Variants in ANKIB1 observed in about 807,000 individuals in gnomAD.
ANKIB1 encodes the protein ankyrin repeat and IBR domain-containing protein 1.
ANKIB1 carries 43 observed loss-of-function variants against 122.1 expected under a neutral mutation model. That is an observed-to-expected ratio of 0.35 (90% CI 0.28 to 0.45). The LOEUF is 0.45. Among genes scored for constraint, ANKIB1 ranks in the 20% least tolerant of loss-of-function variants. ANKIB1 has a pLI of 1.00. For missense variants in ANKIB1, 992 were observed against 1,329.5 expected (o/e 0.75, Z 3.95); for synonymous variants, 390 against 442.0 (o/e 0.88, Z 1.48).
Position 92,399,043 on chromosome 7 carries a change from C to T in ANKIB1, c.*94C>T. On this transcript the variant is annotated 3_prime_UTR_variant, in exon 20 of 20. Coordinates refer to ENST00000265742, the MANE Select transcript of ANKIB1 (RefSeq NM_019004.2). ...GAGACTTTGATTCACTTAATTCCAA[C>T]TCAGTGATAAACCACTGACATTAGG... 7.3e-7 allele frequency: 1 copy of T among 1,370,074 alleles called. No individual in the cohort carries two copies. Among genetic ancestry groups the T allele is most frequent in the East Asian group, 2.6e-5 (1 of 39,040 alleles). 84.9% of individuals were successfully genotyped at this position (1,370,074 alleles called of 1,614,324 possible).
At position 92,327,849 on chromosome 7, in the gene ANKIB1, G is replaced by T; in HGVS notation, c.736G>T (p.Asp246Tyr). ...LKDMLIVETA[D>Y]MLQAPLFTAE... is the part of the protein sequence containing the mutation. Reference sequence around the variant, plus strand: ...AGATATGCTTATTGTGGAAACTGCAGACATGCTTCAGGCTCCTCTCTTTAC... The same window carrying T: ...AGATATGCTTATTGTGGAAACTGCATACATGCTTCAGGCTCCTCTCTTTAC... Residue 246 changes from aspartate to tyrosine, a missense_variant, in exon 5 of 20, where the codon GAC (aspartate) becomes TAC (tyrosine). Asp to Tyr is a radical substitution (Grantham distance 160). Coordinates refer to ENST00000265742, the MANE Select transcript of ANKIB1 (RefSeq NM_019004.2). 1 of 1,596,324 alleles carries T rather than the reference G, an allele frequency of 6.3e-7. No individual in the cohort carries two copies. Among genetic ancestry groups the T allele is most frequent in the Non-Finnish European group, 8.5e-7 (1 of 1,175,162 alleles).
intron 4 of ANKIB1, chr7:92,326,091 C>G: frequency 3.8e-6 from 1 of 262,770 alleles, no homozygotes; most frequent in East Asian, 8.6e-5. Flanking sequence ...TTCACATGAC[C>G]TAATTACAGT....
chr7:92,377,375 C>T (rs1458080829), intron 11 of ANKIB1, among the ~76,000 whole-genome samples: 1 of 151,786 alleles, frequency 6.6e-6, no homozygotes, highest in Non-Finnish European at 1.5e-5. Context: ...TCATGGTGTC[C>T]CCCAGATATT....
chr7:92,347,922 T>C (rs911938843), intron 7 of ANKIB1: 14 of 420,416 alleles, frequency 3.3e-5, no homozygotes, highest in Admixed American at 1.8e-4. Flanking sequence ...GTTCAATAAA[T>C]ATTACTTATT....
At chr7:92,284,680 C>A (rs78809913) in intron 1 of ANKIB1, among the ~76,000 whole-genome samples, 1 of 151,060 alleles carries the variant, frequency 6.6e-6, no homozygotes, top group Non-Finnish European at 1.5e-5. Flanking sequence ...TTCATTTGTT[C>A]CTTCTTTCTT....
intron 4 of ANKIB1, among the ~76,000 whole-genome samples, chr7:92,320,121 A>G (rs1248961922): frequency 2.0e-5 from 3 of 152,128 alleles, no homozygotes; most frequent in Admixed American, 6.6e-5. Context: ...TTTTGGATTG[A>G]TCATATCAAC....
At chr7:92,359,679 C>T (rs1435241261) in intron 9 of ANKIB1, among the ~76,000 whole-genome samples, 1 of 152,182 alleles carries the variant, frequency 6.6e-6, no homozygotes, top group Non-Finnish European at 1.5e-5. Flanking sequence ...AATTTACACT[C>T]CCACCAACAG....
intron 7 of ANKIB1, among the ~76,000 whole-genome samples, chr7:92,347,279 T>C (rs193070525): frequency 8.5e-5 from 13 of 152,166 alleles, no homozygotes; most frequent in Non-Finnish European, 1.5e-4. Context: ...TTATGAGTTT[T>C]TTTTTGTTTT....
chr7:92,349,104 G>C (rs975638991), intron 7 of ANKIB1, among the ~76,000 whole-genome samples: 1 of 152,218 alleles, frequency 6.6e-6, no homozygotes, highest in Admixed American at 6.5e-5. Context: ...AAAAACTTGA[G>C]CATGTTTATT....
intron 1 of ANKIB1, among the ~76,000 whole-genome samples, chr7:92,253,263 C>T (rs1801368444): frequency 6.6e-6 from 1 of 152,108 alleles, no homozygotes; most frequent in Non-Finnish European, 1.5e-5. Context: ...TTATCATTTC[C>T]CCAGTTGTTT....
intron 4 of ANKIB1, among the ~76,000 whole-genome samples, chr7:92,324,696 A>G (rs919218105): frequency 1.3e-5 from 2 of 152,232 alleles, no homozygotes; most frequent in Non-Finnish European, 2.9e-5. Context: ...TTAAAAATTT[A>G]TGTTCTGAAG....
At chr7:92,352,904 A>G (rs1803696463) in intron 9 of ANKIB1, among the ~76,000 whole-genome samples, 1 of 152,220 alleles carries the variant, frequency 6.6e-6, no homozygotes, top group Non-Finnish European at 1.5e-5. Context: ...TTTTACAGAT[A>G]AACAAACTCA....
chr7:92,291,572 T>TC (rs1239245211), intron 1 of ANKIB1, among the ~76,000 whole-genome samples: 4 of 146,006 alleles, frequency 2.7e-5, no homozygotes, highest in East Asian at 2.0e-4. Flanking sequence ...TTTTTCTTTT[T>TC]TTTTTTTTTT....
intron 11 of ANKIB1, 96 bp from the exon 12 acceptor site, chr7:92,386,413 C>T: frequency 2.3e-6 from 3 of 1,327,802 alleles, no homozygotes; most frequent in Non-Finnish European, 3.0e-6. Flanking sequence ...CACACAAGCA[C>T]AATTATTTAA....
intron 3 of ANKIB1, among the ~76,000 whole-genome samples, chr7:92,313,794 T>A (rs1373107669): frequency 6.6e-6 from 1 of 152,146 alleles, no homozygotes; most frequent in Non-Finnish European, 1.5e-5. Flanking sequence ...GGGAATAGAT[T>A]CCAGAAATGT....
intron 1 of ANKIB1, among the ~76,000 whole-genome samples, chr7:92,288,151 T>G (rs2131910678): frequency 6.6e-6 from 1 of 151,808 alleles, no homozygotes; most frequent in African/African-American, 2.4e-5. Flanking sequence ...AGTGAATTTA[T>G]CACATTTGCA....
chr7:92,311,142 T>C (rs565746963), intron 3 of ANKIB1, among the ~76,000 whole-genome samples: 3 of 152,306 alleles, frequency 2.0e-5, no homozygotes, highest in Admixed American at 1.3e-4. Context: ...GTATAATGCT[T>C]TCTGATGTTT....
At chr7:92,257,054 G>A (rs779634470) in intron 1 of ANKIB1, among the ~76,000 whole-genome samples, 3 of 152,042 alleles carry the variant, frequency 2.0e-5, no homozygotes, top group Admixed American at 6.5e-5. Flanking sequence ...GCTGGGCATG[G>A]TGGTGCGTGC....
chr7:92,397,348 T>C (rs1320950222), intron 18 of ANKIB1, among the ~76,000 whole-genome samples: 1 of 152,030 alleles, frequency 6.6e-6, no homozygotes, highest in Non-Finnish European at 1.5e-5. Context: ...TAGCCAGGCA[T>C]GGTGGTGCAC....
Sources: gnomAD v4.1 joint callset for allele counts (sites outside exome capture counted in the v4.1 genomes callset) on GRCh38, gnomAD v4.1.1 for gene constraint, MANE v1.5 for transcripts, NCBI Gene and HGNC (gene_info 2026-07-23, HGNC 2026-07-21) for gene names.